ULK4: variants seen among roughly 807,000 people sequenced by gnomAD.
ULK4 encodes the protein inactive serine/threonine-protein kinase ULK4.
In ULK4, 133 loss-of-function variants were observed where a neutral mutation model predicts 160.6. That is an observed-to-expected ratio of 0.83 (90% CI 0.72 to 0.96). The LOEUF (loss-of-function observed/expected upper bound fraction) is 0.96. ULK4 is among the 40% of genes least tolerant of loss of function. ULK4 has a pLI of 0.00. For synonymous variants in ULK4, 534 were observed against 539.8 expected, an observed-to-expected ratio of 0.99 and a Z score of 0.15; for missense variants, 1,580 against 1,499.5, an observed-to-expected ratio of 1.05 and a Z score of -0.89.
chr3:41,398,333 T>C, intron 34 of ULK4, 69 bp from the exon 35 acceptor site: 1 of 1,544,238 alleles, frequency 6.5e-7, no homozygotes, highest in Non-Finnish European at 8.8e-7. Context: ...AAAAACACAG[T>C]AAAATTTGGC....
intron 30 of ULK4, among the ~76,000 whole-genome samples, chr3:41,646,943 T>G (rs1391103752): frequency 3.3e-4 from 50 of 152,366 alleles, no homozygotes; most frequent in African/African-American, 1.1e-3. Context: ...TTCATTCATT[T>G]CATCTTCCAT....
chr3:41,953,304 A>ATTTTT (rs60007502), intron 2 of ULK4, among the ~76,000 whole-genome samples: 2 of 124,816 alleles, frequency 1.6e-5, no homozygotes, highest in African/African-American at 6.2e-5. Context: ...ATATATATAT[A>ATTTTT]TTTTTTTTTT....
At chr3:41,372,524 C>T (rs915526766) in intron 35 of ULK4, among the ~76,000 whole-genome samples, 1 of 152,154 alleles carries the variant, frequency 6.6e-6, no homozygotes, top group Non-Finnish European at 1.5e-5. Context: ...CCCAGAATTT[C>T]ATATCCAGCC....
intron 35 of ULK4, among the ~76,000 whole-genome samples, chr3:41,344,022 C>T (rs1189732434): frequency 1.3e-5 from 2 of 152,162 alleles, no homozygotes; most frequent in Non-Finnish European, 2.9e-5. Context: ...ATAGCCAAAA[C>T]AATTCTAAAC....
intron 17 of ULK4, among the ~76,000 whole-genome samples, chr3:41,877,836 T>C (rs1338168736): frequency 6.6e-6 from 1 of 151,344 alleles, no homozygotes; most frequent in South Asian, 2.1e-4. Context: ...ACAAAATTAG[T>C]CGGGCATGAT....
intron 30 of ULK4, among the ~76,000 whole-genome samples, chr3:41,623,850 C>T (rs970513596): frequency 2.6e-5 from 4 of 152,144 alleles, no homozygotes; most frequent in African/African-American, 7.2e-5. Context: ...GAAATGATAG[C>T]ACGTGAAGTG....
intron 35 of ULK4, among the ~76,000 whole-genome samples, chr3:41,273,963 C>A (rs1056330007): frequency 6.6e-6 from 1 of 152,116 alleles, no homozygotes; most frequent in Non-Finnish European, 1.5e-5. Flanking sequence ...CTTGAACTAC[C>A]TTAACCTGCA....
chr3:41,783,555 G>C (rs1360233785), intron 21 of ULK4, among the ~76,000 whole-genome samples: 1 of 151,742 alleles, frequency 6.6e-6, no homozygotes, highest in Non-Finnish European at 1.5e-5. Context: ...AAAAAGAGAG[G>C]GAGAGATGGG....
chr3:41,677,474 G>A (rs992793538), intron 29 of ULK4, among the ~76,000 whole-genome samples: 1 of 151,880 alleles, frequency 6.6e-6, no homozygotes, highest in African/African-American at 2.4e-5. Flanking sequence ...TAGGACTACA[G>A]GTGCCTGCCA....
chr3:41,484,834 C>G (rs559564117), intron 32 of ULK4, among the ~76,000 whole-genome samples: 1 of 152,162 alleles, frequency 6.6e-6, no homozygotes, highest in Non-Finnish European at 1.5e-5. Flanking sequence ...TTTCTTTCCA[C>G]TCTGATACTT....
chr3:41,255,209 C>T (rs550489870), intron 35 of ULK4, among the ~76,000 whole-genome samples: 42 of 151,698 alleles, frequency 2.8e-4, no homozygotes, highest in African/African-American at 9.0e-4. Context: ...AGGCCAGGCG[C>T]GGTGGCTCAT....
At chr3:41,375,207 C>T (rs2125787753) in intron 35 of ULK4, among the ~76,000 whole-genome samples, 1 of 152,232 alleles carries the variant, frequency 6.6e-6, no homozygotes, top group Middle Eastern at 3.4e-3. Context: ...AGCCATACTG[C>T]CCAAAGTAAT....
At chr3:41,691,879 AAGACAATAAAGAAC>A (rs1204824803) in intron 27 of ULK4, among the ~76,000 whole-genome samples, 2 of 151,492 alleles carry the variant, frequency 1.3e-5, no homozygotes, top group African/African-American at 2.4e-5. Flanking sequence ...ACAATGCAGC[AAGACAATAAAGAAC>A]AACAACAAAA....
At chr3:41,272,343 GTTTTTTTTTT>G (rs3038324) in intron 35 of ULK4, among the ~76,000 whole-genome samples, 4 of 95,478 alleles carry the variant, frequency 4.2e-5, no homozygotes, top group South Asian at 3.9e-4. Flanking sequence ...AATTTTGAAA[GTTTTTTTTTT>G]TTTTTTTTTT....
chr3:41,835,176 C>T lies in ULK4; in HGVS notation c.1764+688G>A, dbSNP rs114059515. Among the ~76,000 whole-genome samples, 825 of 151,760 alleles carry T rather than the reference C, an allele frequency of 5.4e-3. 7 individuals are homozygous for T. The highest frequency in any genetic ancestry group is 0.019 in the African/African-American group (792 of 41,326). ...CGTGAGCCATGATCATGCTATCACA[C>T]TCCAGCCTGGGCAACAGAGTGAGAC... On this transcript the variant is annotated intron_variant, in intron 18 of 36. Coordinates refer to ENST00000301831, the MANE Select transcript of ULK4 (RefSeq NM_017886.4).
At chr3:41,418,282 A>C (rs1365381872) in intron 34 of ULK4, among the ~76,000 whole-genome samples, 2 of 145,372 alleles carry the variant, frequency 1.4e-5, no homozygotes, top group African/African-American at 5.0e-5. Context: ...GTCAATTGAC[A>C]CATAGACTAG....
chr3:41,882,405 A>T (rs1188749766), intron 17 of ULK4: 6 of 645,756 alleles, frequency 9.3e-6, no homozygotes, highest in Admixed American at 2.3e-5. Context: ...CTATAAGTTG[A>T]TCATCTCAAT....
rs759650859 is a variant in ULK4 at position 41,571,441 on chromosome 3, TA to T, written c.3121-5312del. ...ATTTCATTTATCTTAGCAGCTTTAA[TA>T]AGGTTTTTTTCTGGTTCACAATCTT... On this transcript the variant is annotated intron_variant, in intron 31 of 36. Transcript: ENST00000301831. Among the ~76,000 whole-genome samples the T allele has an allele frequency of 1.1e-3, 162 of 152,350 alleles. 2 individuals are homozygous for T. Among genetic ancestry groups the T allele is most frequent in the Non-Finnish European group, 4.6e-4 (31 of 68,028 alleles).
chr3:41,562,209 T>G (rs4588338), intron 32 of ULK4, among the ~76,000 whole-genome samples: 2 of 152,248 alleles, frequency 1.3e-5, no homozygotes, highest in Admixed American at 6.5e-5. Context: ...AATTTGATTG[T>G]ACTGTGGTCT....
Sources: gnomAD v4.1 joint callset for allele counts (sites outside exome capture counted in the v4.1 genomes callset) on GRCh38, gnomAD v4.1.1 for gene constraint, MANE v1.5 for transcripts, NCBI Gene and HGNC (gene_info 2026-07-23, HGNC 2026-07-21) for gene names.